SLC7A2: variants seen among roughly 807,000 people sequenced by gnomAD.
SLC7A2 encodes solute carrier family 7 member 2.
In SLC7A2, 48 loss-of-function variants were observed where a neutral mutation model predicts 58.9. The observed-to-expected ratio is 0.82, with a 90% CI of 0.65 to 1.04. The LOEUF (loss-of-function observed/expected upper bound fraction) is 1.04, where lower values mean the gene tolerates loss of function less well. Among genes scored for constraint, SLC7A2 ranks in the 50% least tolerant of loss-of-function variants. The pLI is 0.00. For synonymous variants in SLC7A2, 363 were observed against 314.5 expected, an observed-to-expected ratio of 1.15 and a Z score of -1.63; for missense variants, 1,029 against 818.8, an observed-to-expected ratio of 1.26 and a Z score of -3.13.
chr8:17,530,346 A>T (rs1193832369), intron 2 of SLC7A2, among the ~76,000 whole-genome samples: 6 of 152,148 alleles, frequency 3.9e-5, no homozygotes, highest in Non-Finnish European at 7.3e-5. Context: ...GGGCAGCTGG[A>T]TACATGCAGT....
rs138001696 is a variant in SLC7A2, at chr8:17,502,539, C to T, written c.-23+237C>T. ...TATAAGATATTGCTCTTCCATTGCA[C>T]AAGGAAGATTTCCATGAAGTTACGG... On this transcript the variant is annotated intron_variant, in intron 2 of 12. Coordinates refer to ENST00000494857, the MANE Select transcript of SLC7A2 (RefSeq NM_001370338.1). Among the ~76,000 whole-genome samples the T allele has an allele frequency of 4.7e-4, 72 of 152,256 alleles. No individual in the cohort carries two copies. In the East Asian group the frequency reaches 0.013, roughly 28 times the overall value.
chr8:17,505,532 G>C (rs1427190556), intron 2 of SLC7A2, among the ~76,000 whole-genome samples: 7 of 152,168 alleles, frequency 4.6e-5, no homozygotes, highest in Non-Finnish European at 1.5e-5. Flanking sequence ...CTTGACTTCA[G>C]TGATCTCCAG....
At chr8:17,503,904 GAAAC>G (rs1800266287) in intron 2 of SLC7A2, among the ~76,000 whole-genome samples, 1 of 152,180 alleles carries the variant, frequency 6.6e-6, no homozygotes, top group South Asian at 2.1e-4. Flanking sequence ...GAGTTCTGGG[GAAAC>G]CTAGAAGGAG....
At position 17,565,229 on chromosome 8, in the gene SLC7A2, T is replaced by A. The variant is rs1200351220; in HGVS notation, c.*83T>A. On this transcript the variant is annotated 3_prime_UTR_variant, in exon 13 of 13. Coordinates refer to ENST00000494857, the MANE Select transcript of SLC7A2 (RefSeq NM_001370338.1). ...CCGTAACGGGATGTCATCAGCATGCTGGGTTGTCATGGGTTTGCTGCATAC... is the reference window on the plus strand; with the variant it reads ...CCGTAACGGGATGTCATCAGCATGCAGGGTTGTCATGGGTTTGCTGCATAC... 4 of 1,044,838 alleles carry A rather than the reference T, an allele frequency of 3.8e-6. No individual in the cohort carries two copies. The African/African-American group carries it at 6.5e-5, about 17-fold the overall frequency. 64.7% of individuals were successfully genotyped at this position (1,044,838 alleles called of 1,614,324 possible). A position where few individuals can be genotyped will look rare whatever the true frequency, so the allele number is the denominator to read the frequency against.
intron 2 of SLC7A2, among the ~76,000 whole-genome samples, chr8:17,515,236 G>A (rs1438243453): frequency 6.6e-6 from 1 of 151,668 alleles, no homozygotes; most frequent in African/African-American, 2.4e-5. Context: ...GACATAGCTT[G>A]TGGTTTTTAA....
rs1438956482 is a variant in SLC7A2 at position 17,544,580 on chromosome 8, CTG to C, written c.511_512del (p.Cys171ProfsTer21). The C allele has an allele frequency of 6.2e-7, 1 of 1,613,872 alleles. No homozygotes were observed. The highest frequency in any genetic ancestry group is 1.1e-5 in the South Asian group (1 of 91,052). ...CTTGCAGAATATCCCGATTTTTTTG[CTG>C]TGTGCCTTATATTACTTCTAGCAGG... On this transcript the variant is annotated frameshift_variant, in exon 4 of 13. Transcript: ENST00000494857. LOFTEE classifies it high-confidence loss of function.
rs966950474 is a variant in SLC7A2, at chr8:17,563,606, C to T, written c.1675C>T (p.Pro559Ser). 4 of 1,595,188 alleles carry T rather than the reference C, an allele frequency of 2.5e-6. No homozygotes were observed. Among genetic ancestry groups the T allele is most frequent in the Middle Eastern group, 3.3e-4 (2 of 6,008 alleles). Residue 559 changes from proline to serine, a missense_variant, in exon 12 of 13, where the codon CCA (proline) becomes TCA (serine). Physicochemically the swap from Pro to Ser is moderately conservative, Grantham distance 74 (BLOSUM62 -1). Coordinates refer to ENST00000494857, the MANE Select transcript of SLC7A2 (RefSeq NM_001370338.1). The stretch of plus-strand genomic sequence containing the variant: ...AAAGGATTGTTTTCCCCCTCAGGTT[C>T]CATTCTTACCATTTTTGCCAGCGTT... ...QNQQKVAFMV[P>S]FLPFLPAFSI... is the part of the protein sequence containing the mutation.
intron 2 of SLC7A2, among the ~76,000 whole-genome samples, chr8:17,534,327 G>A (rs1309269146): frequency 6.6e-6 from 1 of 152,090 alleles, no homozygotes; most frequent in Non-Finnish European, 1.5e-5. Context: ...AACAGTTGTG[G>A]TCATCTTTTT....
At chr8:17,544,642 C>G (rs761492282) in intron 4 of SLC7A2, 36 bp downstream of exon 4, 2 of 1,590,938 alleles carry the variant, frequency 1.3e-6, no homozygotes, top group Admixed American at 3.4e-5. Flanking sequence ...GCAGAATGAG[C>G]CACACTATTT....
At chr8:17,503,829 G>C (rs1004092642) in intron 2 of SLC7A2, among the ~76,000 whole-genome samples, 1 of 152,190 alleles carries the variant, frequency 6.6e-6, no homozygotes, top group African/African-American at 2.4e-5. Flanking sequence ...TCACCAGCAA[G>C]TTTTAAGTGG....
At chr8:17,495,867 A>C (rs1171693771), upstream of SLC7A2, among the ~76,000 whole-genome samples, 1 of 152,146 alleles carries the variant, frequency 6.6e-6, no homozygotes, top group East Asian at 1.9e-4. Flanking sequence ...TCACTTTTTG[A>C]TGAAATCCAT....
chr8:17,509,707 G>A (rs1295852077), intron 2 of SLC7A2, among the ~76,000 whole-genome samples: 1 of 152,106 alleles, frequency 6.6e-6, no homozygotes, highest in Non-Finnish European at 1.5e-5. Flanking sequence ...GCAGAACAAT[G>A]TTTTATGGTA....
intron 2 of SLC7A2, among the ~76,000 whole-genome samples, chr8:17,541,230 A>G (rs76643132): frequency 0.026 from 3,889 of 152,222 alleles, 108 homozygotes; most frequent in East Asian, 0.09. Flanking sequence ...GTTGGTTTTT[A>G]TATAACTTTT....
At chr8:17,546,889 G>A (rs937968085) in intron 4 of SLC7A2, among the ~76,000 whole-genome samples, 2 of 152,044 alleles carry the variant, frequency 1.3e-5, no homozygotes, top group Non-Finnish European at 2.9e-5. Context: ...ATGGGTTAAA[G>A]ATATACATAT....
At chr8:17,524,354 C>G (rs533397091) in intron 2 of SLC7A2, among the ~76,000 whole-genome samples, 9 of 151,658 alleles carry the variant, frequency 5.9e-5, no homozygotes, top group Non-Finnish European at 1.3e-4. Context: ...GGAATCAGCT[C>G]AAAAATCCCA....
intron 4 of SLC7A2, among the ~76,000 whole-genome samples, chr8:17,545,675 G>A (rs1398077988): frequency 1.3e-5 from 2 of 152,032 alleles, no homozygotes; most frequent in African/African-American, 2.4e-5. Context: ...TGGGATTACA[G>A]GCGTGAGCCA....
At chr8:17,560,618 C>T in intron 10 of SLC7A2, 85 bp downstream of exon 10, 2 of 1,146,846 alleles carry the variant, frequency 1.7e-6, no homozygotes, top group Admixed American at 3.5e-5. Flanking sequence ...GAAAAGAGGG[C>T]CTAACATTGC....
intron 2 of SLC7A2, among the ~76,000 whole-genome samples, chr8:17,528,611 C>T (rs1373158613): frequency 6.6e-6 from 1 of 152,078 alleles, no homozygotes; most frequent in Non-Finnish European, 1.5e-5. Context: ...ACTCCTAGGG[C>T]AGTCAAAGGC....
At chr8:17,504,034 A>G (rs886779520) in intron 2 of SLC7A2, among the ~76,000 whole-genome samples, 1 of 152,232 alleles carries the variant, frequency 6.6e-6, no homozygotes, top group African/African-American at 2.4e-5. Context: ...AAGTGAAGTC[A>G]CATTGGCTGT....
Sources: gnomAD v4.1 joint callset for allele counts (sites outside exome capture counted in the v4.1 genomes callset) on GRCh38, gnomAD v4.1.1 for gene constraint, MANE v1.5 for transcripts, NCBI Gene and HGNC (gene_info 2026-07-23, HGNC 2026-07-21) for gene names.